The following DEPDC5 variants were observed in gnomAD, a reference collection of about 807,000 sequenced individuals.
The protein encoded by DEPDC5 is DEP domain containing 5, GATOR1 subcomplex subunit, also known as GATOR1 complex protein DEPDC5.
DEPDC5 carries 73 observed loss-of-function variants against 217.3 expected under a neutral mutation model. The observed-to-expected ratio is 0.34, with a 90% CI of 0.28 to 0.41. DEPDC5 has a LOEUF of 0.41. Ranked by LOEUF, DEPDC5 falls within the 10% of genes least tolerant of loss-of-function variation. The pLI is 1.00. For missense variants in DEPDC5, 1,675 were observed against 2,070.1 expected, an observed-to-expected ratio of 0.81 and a Z score of 3.70; for synonymous variants, 733 against 756.7, an observed-to-expected ratio of 0.97 and a Z score of 0.51.
chr22:31,855,192 T>C (rs967660471), intron 31 of DEPDC5, among the ~76,000 whole-genome samples: 1 of 152,066 alleles, frequency 6.6e-6, no homozygotes, highest in African/African-American at 2.4e-5. Flanking sequence ...CTCAATCTTC[T>C]GACCTCGTGA....
At chr22:31,798,539 G>A (rs1054369861) in intron 13 of DEPDC5, 43 bp from the exon 14 acceptor site, 5 of 1,554,164 alleles carry the variant, frequency 3.2e-6, no homozygotes, top group African/African-American at 1.4e-5. Flanking sequence ...AAAAGTTCAT[G>A]TTTCATGAGA....
At chr22:31,862,221 A>G (rs1263998306) in intron 33 of DEPDC5, among the ~76,000 whole-genome samples, 2 of 151,954 alleles carry the variant, frequency 1.3e-5, no homozygotes, top group African/African-American at 4.8e-5. Context: ...CAGCCTGGGC[A>G]ACAAGAGCGA....
chr22:31,763,388 G>A (rs924311085), intron 4 of DEPDC5, among the ~76,000 whole-genome samples: 23 of 151,016 alleles, frequency 1.5e-4, no homozygotes, highest in Non-Finnish European at 2.5e-4. Flanking sequence ...ACCTCCCAAA[G>A]TCCTGGGATT....
intron 24 of DEPDC5, among the ~76,000 whole-genome samples, chr22:31,829,606 C>T (rs967060962): frequency 6.6e-5 from 10 of 152,138 alleles, no homozygotes; most frequent in African/African-American, 2.4e-4. Flanking sequence ...CCTCTTTGCA[C>T]CATCTGCAGG....
chr22:31,779,664 G>T (rs1334719765), intron 8 of DEPDC5, among the ~76,000 whole-genome samples: 1 of 152,168 alleles, frequency 6.6e-6, no homozygotes, highest in African/African-American at 2.4e-5. Flanking sequence ...GTTGTGTTTT[G>T]TTGAATAAAA....
intron 25 of DEPDC5, among the ~76,000 whole-genome samples, chr22:31,836,570 C>G (rs535744029): frequency 9.4e-4 from 143 of 152,322 alleles, no homozygotes; most frequent in South Asian, 3.9e-3. Flanking sequence ...GAGCTCCCCT[C>G]CTTTCCCCAC....
intron 38 of DEPDC5, 84 bp downstream of exon 38, chr22:31,879,836 A>G: frequency 7.5e-7 from 1 of 1,326,044 alleles, no homozygotes; most frequent in Non-Finnish European, 1.0e-6. Context: ...GAACGATGCC[A>G]CATGAACCAG....
chr22:31,805,084 A>G (rs1447412548), intron 17 of DEPDC5, 169 bp downstream of exon 17: 4 of 595,170 alleles, frequency 6.7e-6, no homozygotes, highest in South Asian at 6.2e-5. Context: ...AAGCAGTAGC[A>G]GTATCATAGG....
At chr22:31,837,270 G>A (rs987746257) in intron 26 of DEPDC5, 115 bp downstream of exon 26, 22 of 1,115,190 alleles carry the variant, frequency 2.0e-5, no homozygotes, top group South Asian at 7.8e-5. Context: ...TATTAAAATT[G>A]GAACGATATA....
chr22:31,794,268 T>C (rs1475233481), intron 12 of DEPDC5, among the ~76,000 whole-genome samples: 1 of 152,142 alleles, frequency 6.6e-6, no homozygotes, highest in Non-Finnish European at 1.5e-5. Flanking sequence ...CCTCCACTCA[T>C]CCCCTTATGC....
chr22:31,884,247 C>T (rs1343867468), intron 38 of DEPDC5, among the ~76,000 whole-genome samples: 1 of 152,184 alleles, frequency 6.6e-6, no homozygotes, highest in Non-Finnish European at 1.5e-5. Context: ...GCACACAAGA[C>T]CCCAGCCCTC....
intron 18 of DEPDC5, among the ~76,000 whole-genome samples, chr22:31,809,214 A>T (rs2087944733): frequency 6.6e-6 from 1 of 152,182 alleles, no homozygotes; most frequent in African/African-American, 2.4e-5. Flanking sequence ...GTAGGCAGAC[A>T]GGTGACAGCA....
intron 41 of DEPDC5, among the ~76,000 whole-genome samples, chr22:31,903,795 G>A (rs2093707633): frequency 6.7e-6 from 1 of 149,948 alleles, no homozygotes; most frequent in Non-Finnish European, 1.5e-5. Flanking sequence ...ATTCCCAAAT[G>A]TTTCCTCTCT....
At chr22:31,796,025 C>T (rs941817886) in intron 12 of DEPDC5, among the ~76,000 whole-genome samples, 4 of 151,290 alleles carry the variant, frequency 2.6e-5, no homozygotes, top group African/African-American at 4.9e-5. Flanking sequence ...CCACTGTGCC[C>T]GGCCATAAAC....
chr22:31,759,255 G>A (rs1297876966), intron 3 of DEPDC5, among the ~76,000 whole-genome samples: 1 of 151,818 alleles, frequency 6.6e-6, no homozygotes, highest in African/African-American at 2.4e-5. Flanking sequence ...TTTTAGTAGA[G>A]ATGGGGTTTC....
intron 38 of DEPDC5, among the ~76,000 whole-genome samples, chr22:31,889,566 TC>T (rs768515801): frequency 0.026 from 3,633 of 139,052 alleles, 82 homozygotes; most frequent in African/African-American, 0.039. Flanking sequence ...TTTTTTTTTT[TC>T]CAGACAGAGT....
At chr22:31,902,408 T>TTATATATATATTTATATATATATA (rs2093664578) in intron 41 of DEPDC5, among the ~76,000 whole-genome samples, 1 of 111,948 alleles carries the variant, frequency 8.9e-6, no homozygotes, top group Non-Finnish European at 1.8e-5. Context: ...CATCTCCTTA[T>TTATATATATATTTATATATATATA]TATATATATA....
In DEPDC5 at chr22:31,847,092, T is replaced by G. The variant is rs999441754; in HGVS notation, c.3155+125T>G. On this transcript the variant is annotated intron_variant, in intron 31 of 42. Coordinates refer to ENST00000651528, the MANE Select transcript of DEPDC5 (RefSeq NM_001242896.3). ...GAGCTTGTAATTAGGGAGAAGGCAT[T>G]TATGTGAAAAGGAAGGCTAATACCT... The G allele has an allele frequency of 3.6e-6, 5 of 1,397,192 alleles. No individual in the cohort carries two copies. Among genetic ancestry groups the G allele is most frequent in the Non-Finnish European group, 4.9e-6 (5 of 1,024,344 alleles). 86.5% of individuals were successfully genotyped at this position (1,397,192 alleles called of 1,614,324 possible).
chr22:31,790,934 A>G (rs998607940), intron 10 of DEPDC5, among the ~76,000 whole-genome samples: 5 of 151,776 alleles, frequency 3.3e-5, no homozygotes, highest in African/African-American at 1.2e-4. Context: ...TTTAGTAGAG[A>G]TGGAGTTTCG....
Sources: gnomAD v4.1 joint callset for allele counts (sites outside exome capture counted in the v4.1 genomes callset) on GRCh38, gnomAD v4.1.1 for gene constraint, MANE v1.5 for transcripts, NCBI Gene and HGNC (gene_info 2026-07-23, HGNC 2026-07-21) for gene names.